Variants in ALDH1A2 observed in about 807,000 individuals in gnomAD.
ALDH1A2 encodes retinal dehydrogenase 2.
In ALDH1A2, 27 loss-of-function variants were observed where a neutral mutation model predicts 60.3. That is an observed-to-expected ratio of 0.45 (90% CI 0.33 to 0.62). ALDH1A2 has a LOEUF of 0.62. ALDH1A2 is among the 20% of genes least tolerant of loss of function. ALDH1A2 has a pLI of 0.02. For synonymous variants in ALDH1A2, 289 were observed against 232.4 expected (o/e 1.24, Z -2.21); for missense variants, 581 against 643.8 (o/e 0.90, Z 1.06).
chr15:58,021,346 GA>G (rs1207076818), intron 1 of ALDH1A2, among the ~76,000 whole-genome samples: 1 of 152,140 alleles, frequency 6.6e-6, no homozygotes, highest in Non-Finnish European at 1.5e-5. Context: ...ATTCAACAAA[GA>G]AGGGACAGGA....
rs772058025 is a variant in ALDH1A2 at position 57,992,728 on chromosome 15, T to C, written c.775A>G (p.Ile259Val). The change falls in exon 7 of 13, where the codon ATT (isoleucine) becomes GTT (valine). Residue 259 changes from isoleucine (I) to valine (V), a missense_variant. Coordinates refer to ENST00000249750, the MANE Select transcript of ALDH1A2 (RefSeq NM_003888.4). The stretch of plus-strand genomic sequence containing the variant: ...ACCTCAGTAGACCCTGTGAATGCAA[T>C]CTTGTCTATGCCAATGTGAGAAGCT... ...AIASHIGIDKIAFTGSTEVGK... is the reference protein window; with the variant it reads ...AIASHIGIDKVAFTGSTEVGK... 4 of 1,614,024 alleles carry C rather than the reference T, an allele frequency of 2.5e-6. No individual in the cohort carries two copies. The highest frequency in any genetic ancestry group is 3.4e-6 in the Non-Finnish European group (4 of 1,179,998).
At chr15:57,966,941 A>G (rs1400256418) in intron 7 of ALDH1A2, among the ~76,000 whole-genome samples, 3 of 152,264 alleles carry the variant, frequency 2.0e-5, no homozygotes, top group Admixed American at 6.5e-5. Context: ...TGCAGAGCAG[A>G]GCCGCCATAT....
intron 7 of ALDH1A2, among the ~76,000 whole-genome samples, chr15:57,992,282 T>A (rs1351126248): frequency 6.6e-6 from 1 of 152,220 alleles, no homozygotes; most frequent in African/African-American, 2.4e-5. Flanking sequence ...CCCTGCTCTA[T>A]ATCATCTCTT....
chr15:57,993,406 C>T (rs111576344), intron 5 of ALDH1A2, among the ~76,000 whole-genome samples: 6 of 152,036 alleles, frequency 3.9e-5, no homozygotes, highest in Non-Finnish European at 5.9e-5. Flanking sequence ...AATAAGTTCT[C>T]GTGTATGAAA....
At chr15:58,046,990 G>A (rs1423361001) in intron 1 of ALDH1A2, among the ~76,000 whole-genome samples, 1 of 151,998 alleles carries the variant, frequency 6.6e-6, no homozygotes, top group Non-Finnish European at 1.5e-5. Context: ...CATACAGCCT[G>A]CCTTGCTTGG....
At chr15:58,015,228 A>AT (rs376617557) in intron 1 of ALDH1A2, among the ~76,000 whole-genome samples, 139 of 152,330 alleles carry the variant, frequency 9.1e-4, no homozygotes, top group African/African-American at 3.1e-3. Flanking sequence ...AAAAACAATG[A>AT]TAATTATTTA....
chr15:58,043,997 C>T (rs866600657), intron 1 of ALDH1A2, among the ~76,000 whole-genome samples: 2 of 151,942 alleles, frequency 1.3e-5, no homozygotes, highest in African/African-American at 4.8e-5. Context: ...CCACATACCC[C>T]GGATTTGTGG....
intron 1 of ALDH1A2, among the ~76,000 whole-genome samples, chr15:58,033,609 AT>A (rs537811116): frequency 6.6e-6 from 1 of 151,790 alleles, no homozygotes; most frequent in African/African-American, 2.4e-5. Context: ...TACCAAAAAA[AT>A]GATTTCTCAA....
chr15:57,969,459 A>G (rs767610633), intron 7 of ALDH1A2, among the ~76,000 whole-genome samples: 11 of 152,330 alleles, frequency 7.2e-5, no homozygotes, highest in Admixed American at 2.0e-4. Context: ...TTACGCATAC[A>G]ACAAAGGCCT....
intron 1 of ALDH1A2, among the ~76,000 whole-genome samples, chr15:58,049,981 G>A (rs1308922365): frequency 6.6e-6 from 1 of 152,024 alleles, no homozygotes; most frequent in Non-Finnish European, 1.5e-5. Context: ...ACTTCAGAAA[G>A]GCTAGTGGGT....
intron 7 of ALDH1A2, among the ~76,000 whole-genome samples, chr15:57,973,741 C>CT (rs1208792001): frequency 6.6e-6 from 1 of 152,142 alleles, no homozygotes; most frequent in Non-Finnish European, 1.5e-5. Context: ...AGAGAAGAAA[C>CT]TAAGAGATAA....
intron 7 of ALDH1A2, among the ~76,000 whole-genome samples, chr15:57,988,662 G>GTA: frequency 6.6e-6 from 1 of 152,314 alleles, no homozygotes; most frequent in South Asian, 2.1e-4. Flanking sequence ...TTACACAGGT[G>GTA]TATATACATG....
chr15:57,972,184 C>G (rs1894091158), intron 7 of ALDH1A2, among the ~76,000 whole-genome samples: 1 of 152,120 alleles, frequency 6.6e-6, no homozygotes, highest in Non-Finnish European at 1.5e-5. Context: ...CAAGAAATGA[C>G]TTGCAAACAG....
intron 7 of ALDH1A2, among the ~76,000 whole-genome samples, chr15:57,968,101 G>C (rs1174632214): frequency 6.6e-6 from 1 of 152,150 alleles, no homozygotes; most frequent in East Asian, 1.9e-4. Context: ...CATTGTGCTT[G>C]CTCGCTCCAC....
At chr15:58,013,074 T>A (rs1895681087) in intron 3 of ALDH1A2, among the ~76,000 whole-genome samples, 1 of 152,076 alleles carries the variant, frequency 6.6e-6, no homozygotes, top group Admixed American at 6.6e-5. Flanking sequence ...GTGAGGAAAA[T>A]CATTGTTTTA....
intron 1 of ALDH1A2, among the ~76,000 whole-genome samples, chr15:58,045,508 T>C (rs373813730): frequency 1.3e-5 from 2 of 152,150 alleles, no homozygotes; most frequent in South Asian, 2.1e-4. Flanking sequence ...TGTCCATCAA[T>C]GATAGACTGG....
At chr15:58,062,382 A>G (rs563977960) in intron 1 of ALDH1A2, among the ~76,000 whole-genome samples, 26 of 152,300 alleles carry the variant, frequency 1.7e-4, no homozygotes, top group African/African-American at 5.8e-4. Context: ...GAAGTGGAAT[A>G]CAGAGGACAA....
intron 9 of ALDH1A2, among the ~76,000 whole-genome samples, chr15:57,962,527 A>T (rs766667758): frequency 9.9e-5 from 15 of 152,236 alleles, no homozygotes; most frequent in Non-Finnish European, 7.3e-5. Context: ...TTAAATGAGT[A>T]ACTTAGCAAG....
chr15:57,997,273 A>G (rs905256613), intron 4 of ALDH1A2, among the ~76,000 whole-genome samples: 1 of 152,038 alleles, frequency 6.6e-6, no homozygotes, highest in East Asian at 1.9e-4. Flanking sequence ...CAAGACTACA[A>G]ATTACCATGC....
Sources: gnomAD v4.1 joint callset for allele counts (sites outside exome capture counted in the v4.1 genomes callset) on GRCh38, gnomAD v4.1.1 for gene constraint, MANE v1.5 for transcripts, NCBI Gene and HGNC (gene_info 2026-07-23, HGNC 2026-07-21) for gene names.